PTPRT: variants seen among roughly 807,000 people sequenced by gnomAD.
The protein encoded by PTPRT is receptor-type tyrosine-protein phosphatase T.
PTPRT carries 56 observed loss-of-function variants against 176.8 expected under a neutral mutation model. The observed-to-expected ratio is 0.32, with a 90% CI of 0.26 to 0.40. PTPRT has a LOEUF of 0.40. PTPRT is among the 10% of genes least tolerant of loss of function. The pLI, the probability that PTPRT is intolerant of heterozygous loss-of-function variation, is 1.00. For synonymous variants in PTPRT, 783 were observed against 739.0 expected, an observed-to-expected ratio of 1.06 and a Z score of -0.96; for missense variants, 1,540 against 1,908.2, an observed-to-expected ratio of 0.81 and a Z score of 3.60.
At position 42,282,542 on chromosome 20, in the gene PTPRT, T is replaced by G; in HGVS notation, c.2140-17A>C. 1 of 1,599,788 alleles carries G rather than the reference T, an allele frequency of 6.3e-7. No individual in the cohort carries two copies. The highest frequency in any genetic ancestry group is 8.5e-7 in the Non-Finnish European group (1 of 1,170,896). On this transcript the variant is annotated splice_polypyrimidine_tract_variant and intron_variant, in intron 12 of 30. Transcript: ENST00000373187. ...TTTGGTCTCCTGTGAACAACAAAAA[T>G]GAGATGCCAATTAATTAGCTGTGAG...
At position 42,282,515 on chromosome 20, in the gene PTPRT, A is replaced by G; in HGVS notation, c.2150T>C (p.Ile717Thr). ...ALSKANGETKINCVRLATKGA... is the reference protein window; with the variant it reads ...ALSKANGETKTNCVRLATKGA... ...TTTTGTAGCCAGACGAACACAGTTG[A>G]TTTTGGTCTCCTGTGAACAACAAAA... The change falls in exon 13 of 31, where the codon ATC (isoleucine) becomes ACC (threonine). Residue 717 changes from isoleucine (I) to threonine (T), a missense_variant. By Grantham distance (89) the Ile-to-Thr change is moderately conservative. This residue lies in a region of PTPRT where 255 missense variants were observed against 250.1 expected (regional missense o/e 1.02). Transcript: ENST00000373187. 6.2e-7 allele frequency: 1 copy of G among 1,610,898 alleles called. No homozygotes were observed. The highest frequency in any genetic ancestry group is 8.5e-7 in the Non-Finnish European group (1 of 1,178,164).
intron 1 of PTPRT, among the ~76,000 whole-genome samples, chr20:43,183,499 G>A (rs1308303978): frequency 6.6e-6 from 1 of 152,144 alleles, no homozygotes; most frequent in Non-Finnish European, 1.5e-5. Context: ...CTTCACAAAG[G>A]CCCGTGGTCA....
chr20:43,065,700 G>A (rs1023455568), intron 1 of PTPRT, among the ~76,000 whole-genome samples: 2 of 152,222 alleles, frequency 1.3e-5, no homozygotes, highest in African/African-American at 4.8e-5. Flanking sequence ...CATGAGGTGA[G>A]AGCAAGTTAT....
chr20:42,397,422 A>G (rs2058862441), intron 9 of PTPRT, among the ~76,000 whole-genome samples: 2 of 152,154 alleles, frequency 1.3e-5, no homozygotes. Flanking sequence ...GTAGTACCCA[A>G]TAGGTAGTTT....
chr20:42,786,325 CT>C (rs1395464989), intron 3 of PTPRT, among the ~76,000 whole-genome samples: 1 of 152,170 alleles, frequency 6.6e-6, no homozygotes, highest in African/African-American at 2.4e-5. Context: ...ACCTAATATC[CT>C]CTCCATTCTA....
At chr20:42,836,111 A>C (rs1161329162) in intron 2 of PTPRT, among the ~76,000 whole-genome samples, 1 of 152,070 alleles carries the variant, frequency 6.6e-6, no homozygotes, top group Non-Finnish European at 1.5e-5. Flanking sequence ...TGACTCCAAG[A>C]ATCTGTATCC....
chr20:43,124,449 G>A (rs1228856858), intron 1 of PTPRT, among the ~76,000 whole-genome samples: 1 of 152,124 alleles, frequency 6.6e-6, no homozygotes, highest in Admixed American at 6.5e-5. Context: ...GAGGAACCAA[G>A]GCCAGGAAAT....
intron 9 of PTPRT, among the ~76,000 whole-genome samples, chr20:42,402,889 A>G (rs1274859094): frequency 6.6e-6 from 1 of 152,008 alleles, no homozygotes; most frequent in Non-Finnish European, 1.5e-5. Flanking sequence ...TTCATGCATG[A>G]GCATGTGGGT....
the PTPRT span, among the ~76,000 whole-genome samples, chr20:42,055,296 A>G: frequency 6.6e-6 from 1 of 152,198 alleles, no homozygotes; most frequent in African/African-American, 2.4e-5. Flanking sequence ...TTCAGGTTGG[A>G]TCAAGAACCT....
At chr20:42,498,366 A>C (rs1385555663) in intron 7 of PTPRT, among the ~76,000 whole-genome samples, 1 of 152,110 alleles carries the variant, frequency 6.6e-6, no homozygotes, top group African/African-American at 2.4e-5. Context: ...GACAAAATTG[A>C]CTAGTGTTAA....
chr20:42,731,217 G>C (rs1291305150), intron 6 of PTPRT, among the ~76,000 whole-genome samples: 7 of 152,144 alleles, frequency 4.6e-5, no homozygotes, highest in Non-Finnish European at 4.4e-5. Flanking sequence ...TTTCCACCCT[G>C]GTTCTGGCAC....
intron 17 of PTPRT, among the ~76,000 whole-genome samples, chr20:42,157,502 C>T (rs1340746128): frequency 1.4e-4 from 21 of 151,936 alleles, no homozygotes; most frequent in African/African-American, 4.1e-4. Context: ...CCCACCATCA[C>T]GCCTGGCTAA....
Position 43,189,538 on chromosome 20 carries a change from G to A in PTPRT, c.88+108C>T, listed in dbSNP as rs935468326. On this transcript the variant is annotated intron_variant, in intron 1 of 30. Transcript: ENST00000373187. This position sits in a 1 kb window ranked among gnomAD's most constrained non-coding sequence, Gnocchi z 5.0. ...CCGGGTTCCGGCCATGGGGACCCGC[G>A]CCCCCGCGAGCCCACACAACTTTCT... is the stretch of plus-strand genomic sequence containing the variant. 11 of 661,042 alleles carry A rather than the reference G, an allele frequency of 1.7e-5. No individual in the cohort carries two copies. The highest frequency in any genetic ancestry group is 1.5e-4 in the Admixed American group (3 of 20,098). 40.9% of individuals were successfully genotyped at this position (661,042 alleles called of 1,614,324 possible). A position where few individuals can be genotyped will look rare whatever the true frequency, so the allele number is the denominator to read the frequency against.
chr20:42,830,341 A>T (rs548486668), intron 2 of PTPRT, among the ~76,000 whole-genome samples: 1 of 152,368 alleles, frequency 6.6e-6, no homozygotes, highest in South Asian at 2.1e-4. Flanking sequence ...AACTAAAGAC[A>T]AAAGCCACAT....
intron 7 of PTPRT, among the ~76,000 whole-genome samples, chr20:42,544,477 C>T (rs561435775): frequency 2.0e-5 from 3 of 152,308 alleles, no homozygotes; most frequent in South Asian, 2.1e-4. Flanking sequence ...GGGAATGCTG[C>T]GGCTGGTTTG....
chr20:42,972,875 A>G (rs974355702), intron 1 of PTPRT, among the ~76,000 whole-genome samples: 1 of 152,106 alleles, frequency 6.6e-6, no homozygotes, highest in Non-Finnish European at 1.5e-5. Flanking sequence ...AGTAGCCACT[A>G]GCCATGTGTG....
At chr20:42,117,308 T>C (rs1987338761) in intron 21 of PTPRT, among the ~76,000 whole-genome samples, 1 of 152,208 alleles carries the variant, frequency 6.6e-6, no homozygotes, top group Admixed American at 6.5e-5. Context: ...AAACAAAAAC[T>C]TACCTGCCCA....
chr20:42,712,883 C>T (rs2076166053), intron 6 of PTPRT, among the ~76,000 whole-genome samples: 2 of 152,082 alleles, frequency 1.3e-5, no homozygotes, highest in Non-Finnish European at 1.5e-5. Flanking sequence ...AATCCAAATG[C>T]CCACCTATAG....
intron 15 of PTPRT, among the ~76,000 whole-genome samples, chr20:42,212,091 G>T (rs1333340054): frequency 1.5e-5 from 2 of 137,806 alleles, no homozygotes; most frequent in African/African-American, 5.5e-5. Context: ...GATGGGAATT[G>T]AACAATGAGA....
Sources: gnomAD v4.1 joint callset for allele counts (sites outside exome capture counted in the v4.1 genomes callset) on GRCh38, gnomAD v4.1.1 for gene constraint, gnomAD v4.1.1 regional missense constraint, Gnocchi (gnomAD v3.1) non-coding constraint, MANE v1.5 for transcripts, NCBI Gene and HGNC (gene_info 2026-07-23, HGNC 2026-07-21) for gene names.